The following HS6ST3 variants were observed in gnomAD, a reference collection of about 807,000 sequenced individuals.
HS6ST3 encodes the protein heparan sulfate 6-O-sulfotransferase 3, also known as heparan-sulfate 6-O-sulfotransferase 3.
HS6ST3 carries 12 observed loss-of-function variants against 36.7 expected under a neutral mutation model. The ratio of observed to expected loss-of-function variants is 0.33; its 90% CI spans 0.21 to 0.53. The LOEUF is 0.53. HS6ST3 is among the 20% of genes least tolerant of loss of function. HS6ST3 has a pLI of 0.95. For synonymous variants in HS6ST3, 240 were observed against 257.5 expected (o/e 0.93, Z 0.65); for missense variants, 584 against 640.9 (o/e 0.91, Z 0.96).
intron 1 of HS6ST3, among the ~76,000 whole-genome samples, chr13:96,673,712 T>C (rs776805656): frequency 1.3e-5 from 2 of 152,164 alleles, no homozygotes; most frequent in Non-Finnish European, 2.9e-5. Context: ...TGTTCCAGTT[T>C]CTGAGATATT....
intron 1 of HS6ST3, among the ~76,000 whole-genome samples, chr13:96,475,784 T>G (rs956635615): frequency 2.0e-4 from 31 of 152,256 alleles, no homozygotes; most frequent in African/African-American, 7.2e-4. Flanking sequence ...GTAAACCTGA[T>G]GAGTCACCAT....
chr13:96,276,622 A>G (rs1433389844), intron 1 of HS6ST3, among the ~76,000 whole-genome samples: 1 of 152,236 alleles, frequency 6.6e-6, no homozygotes, highest in Non-Finnish European at 1.5e-5. Flanking sequence ...TATACAGGTT[A>G]ACTATTTTAT....
intron 1 of HS6ST3, among the ~76,000 whole-genome samples, chr13:96,177,803 A>G (rs541597748): frequency 6.6e-6 from 1 of 152,234 alleles, no homozygotes; most frequent in South Asian, 2.1e-4. Context: ...ATAAAATTAA[A>G]AAAATAAAAA....
In HS6ST3 at chr13:96,090,111, C is replaced by T. The variant is rs2053752810; in HGVS notation, c.-752C>T. ...GCGGGTAGCAGGGCTCCTGTCACAC[C>T]GGCTGGCGGGTTGTGGCGGTGCCAG... is the stretch of plus-strand genomic sequence containing the variant. On this transcript the variant is annotated 5_prime_UTR_variant, in exon 1 of 2. Transcript: ENST00000376705. Among the ~76,000 whole-genome samples, 2 of 152,226 alleles carry T rather than the reference C, an allele frequency of 1.3e-5. No homozygotes were observed. The highest frequency in any genetic ancestry group is 4.8e-5 in the African/African-American group (2 of 41,572).
At chr13:96,156,512 T>C (rs1368790371) in intron 1 of HS6ST3, among the ~76,000 whole-genome samples, 1 of 152,168 alleles carries the variant, frequency 6.6e-6, no homozygotes, top group East Asian at 1.9e-4. Flanking sequence ...ACCATCAAAT[T>C]TCAGAATGGT....
chr13:96,111,598 A>G (rs2053868552), intron 1 of HS6ST3, among the ~76,000 whole-genome samples: 1 of 152,222 alleles, frequency 6.6e-6, no homozygotes, highest in Non-Finnish European at 1.5e-5. Context: ...TTAAAGGGAC[A>G]TGGGATGACA....
At chr13:96,824,997 A>C (rs1053396629) in intron 1 of HS6ST3, among the ~76,000 whole-genome samples, 1 of 152,218 alleles carries the variant, frequency 6.6e-6, no homozygotes, top group Non-Finnish European at 1.5e-5. Context: ...AAGATAGTGC[A>C]TGAGGGGATC....
chr13:96,696,519 T>C (rs1488518626), intron 1 of HS6ST3, among the ~76,000 whole-genome samples: 1 of 152,128 alleles, frequency 6.6e-6, no homozygotes, highest in Non-Finnish European at 1.5e-5. Flanking sequence ...TCCCAACATA[T>C]GTAATACACT....
intron 1 of HS6ST3, among the ~76,000 whole-genome samples, chr13:96,115,598 A>G (rs1489878899): frequency 1.3e-5 from 2 of 152,156 alleles, no homozygotes; most frequent in Non-Finnish European, 2.9e-5. Flanking sequence ...TTGTGGCTGC[A>G]TAGTATTCCA....
intron 1 of HS6ST3, among the ~76,000 whole-genome samples, chr13:96,765,948 ATTGT>A (rs1258686009): frequency 6.6e-6 from 1 of 152,096 alleles, no homozygotes; most frequent in Non-Finnish European, 1.5e-5. Flanking sequence ...TTTTTATTTG[ATTGT>A]TTGAGGCAAA....
At chr13:96,653,065 T>C (rs557326953) in intron 1 of HS6ST3, among the ~76,000 whole-genome samples, 1 of 152,214 alleles carries the variant, frequency 6.6e-6, no homozygotes, top group African/African-American at 2.4e-5. Context: ...GGACTCATTT[T>C]TGCTAAACTC....
At chr13:96,233,771 C>G (rs996273656) in intron 1 of HS6ST3, among the ~76,000 whole-genome samples, 2 of 152,088 alleles carry the variant, frequency 1.3e-5, no homozygotes, top group Non-Finnish European at 2.9e-5. Flanking sequence ...CTGATAATGA[C>G]TTGGTACCTG....
intron 1 of HS6ST3, among the ~76,000 whole-genome samples, chr13:96,518,293 T>A (rs1411876603): frequency 6.6e-6 from 1 of 152,210 alleles, no homozygotes; most frequent in African/African-American, 2.4e-5. Flanking sequence ...ATTAAATATG[T>A]CTTATCTGTG....
At chr13:96,416,414 T>C (rs549105774) in intron 1 of HS6ST3, among the ~76,000 whole-genome samples, 4 of 152,204 alleles carry the variant, frequency 2.6e-5, no homozygotes, top group Non-Finnish European at 5.9e-5. Context: ...ATGGTATAAA[T>C]TTTGCAATCA....
chr13:96,550,168 G>A (rs74107924), intron 1 of HS6ST3, among the ~76,000 whole-genome samples: 2,102 of 152,248 alleles, frequency 0.014, 49 homozygotes, highest in African/African-American at 0.047. Flanking sequence ...TGCAGATGGG[G>A]CCTAGTGGGA....
At chr13:96,315,987 A>T (rs1408369761) in intron 1 of HS6ST3, among the ~76,000 whole-genome samples, 1 of 152,184 alleles carries the variant, frequency 6.6e-6, no homozygotes, top group East Asian at 1.9e-4. Context: ...GAACTTCGGA[A>T]TGCTCACTTC....
At chr13:96,348,285 A>T (rs1236468656) in intron 1 of HS6ST3, among the ~76,000 whole-genome samples, 1 of 152,216 alleles carries the variant, frequency 6.6e-6, no homozygotes, top group Non-Finnish European at 1.5e-5. Flanking sequence ...GTAACATTCA[A>T]AATTCATTAG....
At chr13:96,781,757 G>A (rs1024486007) in intron 1 of HS6ST3, among the ~76,000 whole-genome samples, 9 of 152,146 alleles carry the variant, frequency 5.9e-5, no homozygotes, top group Non-Finnish European at 1.3e-4. Context: ...TAAGGAAAAC[G>A]TGAACCTTTT....
chr13:96,197,971 T>C (rs1384125622), intron 1 of HS6ST3, among the ~76,000 whole-genome samples: 1 of 152,222 alleles, frequency 6.6e-6, no homozygotes, highest in Non-Finnish European at 1.5e-5. Context: ...AGAGGTTCTC[T>C]GTGAGGGCCC....
Sources: allele counts gnomAD v4.1 joint callset (sites outside exome capture counted in the v4.1 genomes callset), GRCh38; gene constraint gnomAD v4.1.1; transcripts MANE v1.5; gene names NCBI Gene and HGNC (gene_info 2026-07-23, HGNC 2026-07-21).